The following PRRG1 variants were observed in gnomAD, a reference collection of about 807,000 sequenced individuals.
PRRG1 encodes the protein proline rich and Gla domain 1, also known as transmembrane gamma-carboxyglutamic acid protein 1.
PRRG1 carries 5 observed loss-of-function variants against 11.8 expected under a neutral mutation model. That is an observed-to-expected ratio of 0.42 (90% confidence interval 0.22 to 0.89). The LOEUF (loss-of-function observed/expected upper bound fraction) is 0.89, where lower values mean the gene tolerates loss of function less well. Ranked by LOEUF, PRRG1 falls within the 40% of genes least tolerant of loss-of-function variation. The probability of loss-of-function intolerance (pLI) is 0.28; values close to 1 mark genes in which losing one functional copy is unlikely to be tolerated. For missense variants in PRRG1, 155 were observed against 166.1 expected (o/e 0.93, Z 0.37); for synonymous variants, 66 against 60.4 (o/e 1.09, Z -0.43).
intron 1 of PRRG1, among the ~76,000 whole-genome samples, chrX:37,356,143 A>C (rs1556366067): frequency 1.8e-5 from 2 of 112,065 alleles, no homozygotes; most frequent in African/African-American, 6.5e-5. Context: ...TAAATGAGTA[A>C]AATATAAGAA....
intron 3 of PRRG1, among the ~76,000 whole-genome samples, chrX:37,436,870 C>T (rs1272943146): frequency 1.8e-5 from 2 of 112,296 alleles, no homozygotes; most frequent in African/African-American, 3.2e-5. Context: ...CTTCCCTAGA[C>T]GCATCCCAGA....
intron 2 of PRRG1, among the ~76,000 whole-genome samples, chrX:37,415,608 A>C (rs782631091): frequency 1.8e-5 from 2 of 111,428 alleles, no homozygotes; most frequent in African/African-American, 6.5e-5. Flanking sequence ...TTTTTGGCAA[A>C]TGTCAGTAGC....
chrX:37,442,282 C>T, intron 3 of PRRG1: 1 of 708,921 alleles, frequency 1.4e-6, no homozygotes, highest in African/African-American at 2.3e-5. Context: ...AATCAGGGCA[C>T]ATCCCCATGC....
chrX:37,389,330 CT>C (rs1931446527), intron 1 of PRRG1, among the ~76,000 whole-genome samples: 1 of 112,027 alleles, frequency 8.9e-6, no homozygotes, highest in Admixed American at 9.5e-5. Context: ...CAGTGCTGCA[CT>C]CCTTGGTACC....
chrX:37,368,085 G>A (rs1026426209), intron 1 of PRRG1, among the ~76,000 whole-genome samples: 8 of 111,754 alleles, frequency 7.2e-5, no homozygotes, highest in Admixed American at 9.4e-5. Flanking sequence ...GTTGAGACTT[G>A]TTTCATGGCC....
chrX:37,453,088 A>G (rs1556396915), intron 3 of PRRG1, 48 bp from the exon 4 acceptor site: 4 of 1,105,816 alleles, frequency 3.6e-6, no homozygotes, highest in Non-Finnish European at 4.8e-6. Flanking sequence ...GGTATTTTCC[A>G]TCTTTTATTC....
intron 1 of PRRG1, among the ~76,000 whole-genome samples, chrX:37,403,116 C>T (rs1556380931): frequency 9.2e-6 from 1 of 109,096 alleles, no homozygotes; most frequent in African/African-American, 3.4e-5. Context: ...TTGACCCAGC[C>T]ATCCCATTAC....
intron 1 of PRRG1, among the ~76,000 whole-genome samples, chrX:37,377,252 ACTT>A (rs1187855515): frequency 8.9e-6 from 1 of 111,932 alleles, no homozygotes; most frequent in African/African-American, 3.2e-5. Flanking sequence ...GGTGTTTTCT[ACTT>A]CTTCTTTTTA....
chrX:37,442,207 T>G lies in PRRG1; in HGVS notation c.172-10929T>G, dbSNP rs1932995214. The G allele has an allele frequency of 4.0e-6, 3 of 752,235 alleles. No homozygotes were observed. The South Asian group carries it at 2.1e-4, about 51-fold the overall frequency. 62.0% of individuals were successfully genotyped at this position (752,235 alleles called of 1,213,427 possible). Reference sequence around the variant, plus strand: ...GTGTTACCATTATTGGCAATAAAGTTATCTGTTCTCAAAGCAATAAAGGTG... The same window carrying G: ...GTGTTACCATTATTGGCAATAAAGTGATCTGTTCTCAAAGCAATAAAGGTG... On this transcript the variant is annotated intron_variant, in intron 3 of 3. Coordinates refer to ENST00000378628, the MANE Select transcript of PRRG1 (RefSeq NM_001142395.2).
chrX:37,412,053 T>C (rs1932365506), intron 2 of PRRG1, among the ~76,000 whole-genome samples: 1 of 112,098 alleles, frequency 8.9e-6, no homozygotes, highest in Admixed American at 9.5e-5. Context: ...GAAAAGTCAG[T>C]TTCCATTTTC....
intron 2 of PRRG1, among the ~76,000 whole-genome samples, chrX:37,413,836 CTATGTTTAGA>C (rs1203503995): frequency 6.3e-5 from 7 of 111,908 alleles, no homozygotes; most frequent in Admixed American, 1.9e-4. Context: ...GGTAACTATC[CTATGTTTAGA>C]TATGTTTAGA....
chrX:37,411,465 C>A (rs907835732), intron 2 of PRRG1, among the ~76,000 whole-genome samples: 1 of 112,152 alleles, frequency 8.9e-6, no homozygotes, highest in Non-Finnish European at 1.9e-5. Context: ...CCAGTACTCC[C>A]AGTAAGTATT....
At chrX:37,425,028 A>C (rs1354083845) in intron 2 of PRRG1, among the ~76,000 whole-genome samples, 9 of 111,377 alleles carry the variant, frequency 8.1e-5, no homozygotes, top group Admixed American at 7.7e-4. Flanking sequence ...GTCTCTCCAA[A>C]CAGGCAACAT....
chrX:37,351,469 T>C (rs1930063077), intron 1 of PRRG1, among the ~76,000 whole-genome samples: 1 of 101,350 alleles, frequency 9.9e-6, no homozygotes, highest in South Asian at 4.4e-4. Context: ...CACTCCAGCC[T>C]GGGCTACAGA....
chrX:37,427,372 A>G (rs914110291), intron 3 of PRRG1, among the ~76,000 whole-genome samples: 4 of 112,162 alleles, frequency 3.6e-5, no homozygotes, highest in Non-Finnish European at 7.5e-5. Context: ...CTATGAAACA[A>G]CCATCACCAT....
intron 1 of PRRG1, among the ~76,000 whole-genome samples, chrX:37,359,591 G>A (rs1556367085): frequency 9.0e-6 from 1 of 111,330 alleles, no homozygotes; most frequent in African/African-American, 3.3e-5. Flanking sequence ...GTAGATATTG[G>A]TCTGTAGTTT....
intron 2 of PRRG1, among the ~76,000 whole-genome samples, chrX:37,416,915 A>G (rs782758250): frequency 8.9e-6 from 1 of 111,807 alleles, no homozygotes; most frequent in East Asian, 2.8e-4. Flanking sequence ...CTTTTTCCTT[A>G]CAAAGCATAA....
chrX:37,389,322 G>A (rs1447723349), intron 1 of PRRG1, among the ~76,000 whole-genome samples: 2 of 111,796 alleles, frequency 1.8e-5, no homozygotes, highest in Non-Finnish European at 3.8e-5. Context: ...CTTTATAGCA[G>A]TGCTGCACTC....
At chrX:37,361,826 A>G (rs1359163149) in intron 1 of PRRG1, among the ~76,000 whole-genome samples, 3 of 112,218 alleles carry the variant, frequency 2.7e-5, no homozygotes, top group African/African-American at 9.7e-5. Context: ...TTTTGTAAAA[A>G]AATCTATATG....
Sources: allele counts gnomAD v4.1 joint callset (sites outside exome capture counted in the v4.1 genomes callset), GRCh38; gene constraint gnomAD v4.1.1; transcripts MANE v1.5; gene names NCBI Gene and HGNC (gene_info 2026-07-23, HGNC 2026-07-21).